SEC11A: variants seen among roughly 807,000 people sequenced by gnomAD.
SEC11A encodes signal peptidase complex catalytic subunit SEC11A.
SEC11A carries 14 observed loss-of-function variants against 25.6 expected under a neutral mutation model. That is an observed-to-expected ratio of 0.55 (90% CI 0.36 to 0.85). The LOEUF (loss-of-function observed/expected upper bound fraction) is 0.85. Among genes scored for constraint, SEC11A ranks in the 40% least tolerant of loss-of-function variants. The pLI is 0.01. For missense variants in SEC11A, 153 were observed against 222.9 expected (o/e 0.69, Z 2.00); for synonymous variants, 83 against 76.4 (o/e 1.09, Z -0.45).
intron 2 of SEC11A, 148 bp downstream of exon 2, chr15:84,691,387 C>G: frequency 1.8e-6 from 1 of 553,624 alleles, no homozygotes. Context: ...GAATTTCTTA[C>G]AACTGATAAG....
chr15:84,679,987 AAT>A, intron 4 of SEC11A: 1 of 1,496,864 alleles, frequency 6.7e-7, no homozygotes, highest in Non-Finnish European at 9.0e-7. Context: ...AAACAGGCTT[AAT>A]ATAACTTTTT....
chr15:84,685,681 T>C (rs1897398903), intron 3 of SEC11A, among the ~76,000 whole-genome samples: 1 of 152,114 alleles, frequency 6.6e-6, no homozygotes, highest in African/African-American at 2.4e-5. Context: ...TAGGGGAAAG[T>C]TGGTTCAGCT....
At chr15:84,702,818 A>G (rs965060962) in intron 1 of SEC11A, among the ~76,000 whole-genome samples, 6 of 152,212 alleles carry the variant, frequency 3.9e-5, no homozygotes, top group Admixed American at 3.3e-4. Flanking sequence ...TCCACCAGAC[A>G]TTTAAGGAAA....
chr15:84,684,155 A>G lies in SEC11A; in HGVS notation c.312-3323T>C, dbSNP rs566845973. 1.8e-3 allele frequency among the ~76,000 whole-genome samples: 267 copies of G among 152,342 alleles called. 4 individuals carry two copies. Among genetic ancestry groups the G allele is most frequent in the African/African-American group, 5.4e-3 (225 of 41,574 alleles). On this transcript the variant is annotated intron_variant, in intron 3 of 5. Coordinates refer to ENST00000268220, the MANE Select transcript of SEC11A (RefSeq NM_014300.4). ...GTAAAATTTCTCTTTCCAAATACTTAATCACATGCCAGTGTTCAGTATCAT... is the reference window on the plus strand; with the variant it reads ...GTAAAATTTCTCTTTCCAAATACTTGATCACATGCCAGTGTTCAGTATCAT...
At chr15:84,689,770 G>C (rs942008159) in intron 2 of SEC11A, among the ~76,000 whole-genome samples, 1 of 151,966 alleles carries the variant, frequency 6.6e-6, no homozygotes, top group African/African-American at 2.4e-5. Flanking sequence ...ACCACGCCCA[G>C]CTAATTTTTG....
At chr15:84,713,333 G>A (rs1017589753) in intron 1 of SEC11A, among the ~76,000 whole-genome samples, 3 of 151,740 alleles carry the variant, frequency 2.0e-5, no homozygotes, top group Admixed American at 6.6e-5. Flanking sequence ...TATGTAATAT[G>A]TAATTAGGTA....
At chr15:84,715,261 T>C (rs765760262) in intron 1 of SEC11A, among the ~76,000 whole-genome samples, 1 of 151,832 alleles carries the variant, frequency 6.6e-6, no homozygotes, top group Non-Finnish European at 1.5e-5. Flanking sequence ...ACAGACACAC[T>C]AGGCGCAAAA....
At chr15:84,678,997 A>AAAAAAAAAGGC (rs1897214623) in intron 4 of SEC11A, among the ~76,000 whole-genome samples, 1 of 152,034 alleles carries the variant, frequency 6.6e-6, no homozygotes, top group Non-Finnish European at 1.5e-5. Context: ...TGTCTCCAAA[A>AAAAAAAAAGGC]AAAAAAAAGG....
rs138182641 is a variant in SEC11A, at chr15:84,697,695, CT to C, written c.52-6052del. ...ATATTGCCTCCCTAGCCCCTACTTT[CT>C]TTATCACTATGTCTGAATGCTTAGG... On this transcript the variant is annotated intron_variant, in intron 1 of 5. Coordinates refer to ENST00000268220, the MANE Select transcript of SEC11A (RefSeq NM_014300.4). Among the ~76,000 whole-genome samples the C allele has an allele frequency of 8.9e-3, 1,349 of 152,280 alleles. 18 individuals are homozygous for C. The highest frequency in any genetic ancestry group is 0.038 in the South Asian group (182 of 4,830).
intron 3 of SEC11A, among the ~76,000 whole-genome samples, chr15:84,682,016 G>A (rs147864741): frequency 5.6e-4 from 85 of 152,244 alleles, no homozygotes; most frequent in Non-Finnish European, 1.1e-3. Context: ...CTGTGATTGC[G>A]TCACTGCACT....
At chr15:84,680,095 C>G in intron 4 of SEC11A, 1 of 534,390 alleles carries the variant, frequency 1.9e-6, no homozygotes, top group Non-Finnish European at 3.2e-6. Context: ...GAGTTATTGA[C>G]TTAGTACTTC....
chr15:84,699,466 A>C (rs1596079890), intron 1 of SEC11A, among the ~76,000 whole-genome samples: 1 of 152,352 alleles, frequency 6.6e-6, no homozygotes, highest in East Asian at 1.9e-4. Context: ...GACATTGGCT[A>C]TATGACTGTG....
chr15:84,681,496 G>T (rs763399557), intron 3 of SEC11A, among the ~76,000 whole-genome samples: 1 of 152,176 alleles, frequency 6.6e-6, no homozygotes, highest in Non-Finnish European at 1.5e-5. Flanking sequence ...TGGGCATGGT[G>T]GTGGGTGCCT....
At chr15:84,709,834 C>A (rs950581168) in intron 1 of SEC11A, among the ~76,000 whole-genome samples, 2 of 152,166 alleles carry the variant, frequency 1.3e-5, no homozygotes, top group African/African-American at 4.8e-5. Flanking sequence ...CCTCCGCCTT[C>A]CAGGTTCAAG....
rs1473867818 is a variant in SEC11A, at chr15:84,669,848, T to C, written c.*171A>G. 1 of 1,233,968 alleles carries C rather than the reference T, an allele frequency of 8.1e-7. No homozygotes were observed. The highest frequency in any genetic ancestry group is 1.1e-6 in the Non-Finnish European group (1 of 880,564). The allele number at this position is 1,233,968 out of a possible 1,614,324, so 76.4% of individuals were successfully genotyped here. On this transcript the variant is annotated 3_prime_UTR_variant, in exon 6 of 6. Transcript: ENST00000268220. ...CCTCGAGTGCACTCTGTGGTGCACA[T>C]GCGCCCGCCCACACAAACTCTGGCA...
chr15:84,677,398 C>T (rs1897162933), intron 4 of SEC11A, among the ~76,000 whole-genome samples: 1 of 151,048 alleles, frequency 6.6e-6, no homozygotes, highest in African/African-American at 2.4e-5. Context: ...TAAGTAACAG[C>T]TCAAAATGGT....
intron 1 of SEC11A, among the ~76,000 whole-genome samples, chr15:84,694,873 C>T (rs985089558): frequency 2.0e-5 from 3 of 151,610 alleles, no homozygotes; most frequent in Non-Finnish European, 4.4e-5. Context: ...AGGCGGATCA[C>T]GAGGTCAGGA....
At chr15:84,686,676 G>A (rs1402499126) in intron 3 of SEC11A, 1 of 152,174 alleles carries the variant, frequency 6.6e-6, no homozygotes, top group Non-Finnish European at 1.5e-5. Flanking sequence ...TGTCATACAG[G>A]ATGCCTCCCT....
intron 1 of SEC11A, among the ~76,000 whole-genome samples, chr15:84,700,916 G>A (rs1897916263): frequency 7.0e-6 from 1 of 142,068 alleles, no homozygotes; most frequent in Non-Finnish European, 1.5e-5. Context: ...GAAGGCAGAG[G>A]TTGCAGTAAG....
Sources: gnomAD v4.1 joint callset for allele counts (sites outside exome capture counted in the v4.1 genomes callset) on GRCh38, gnomAD v4.1.1 for gene constraint, MANE v1.5 for transcripts, NCBI Gene and HGNC (gene_info 2026-07-23, HGNC 2026-07-21) for gene names.